Variants in ICA1 observed in about 807,000 individuals in gnomAD.
The protein encoded by ICA1 is islet cell autoantigen 1.
A neutral mutation model predicts 71.0 loss-of-function variants in ICA1; 40 were observed. The ratio of observed to expected loss-of-function variants is 0.56; its 90% CI spans 0.44 to 0.73. The LOEUF is 0.73. Among genes scored for constraint, ICA1 ranks in the 30% least tolerant of loss-of-function variants. The pLI, the probability that ICA1 is intolerant of heterozygous loss-of-function variation, is 0.00. For synonymous variants in ICA1, 207 were observed against 209.5 expected (o/e 0.99, Z 0.10); for missense variants, 578 against 576.5 (o/e 1.00, Z -0.03).
chr7:8,152,785 T>TCACCTCTTC (rs1313074740), intron 8 of ICA1, among the ~76,000 whole-genome samples: 11 of 81,578 alleles, frequency 1.3e-4, no homozygotes, highest in African/African-American at 4.6e-4. Context: ...ACTATCACCA[T>TCACCTCTTC]CACCATCACC....
chr7:8,140,085 G>A (rs531477670), intron 10 of ICA1, among the ~76,000 whole-genome samples: 2 of 152,290 alleles, frequency 1.3e-5, no homozygotes, highest in South Asian at 2.1e-4. Flanking sequence ...GTCACATATT[G>A]TATGAATATA....
At chr7:8,204,776 C>T (rs1028181766) in intron 6 of ICA1, among the ~76,000 whole-genome samples, 1 of 152,082 alleles carries the variant, frequency 6.6e-6, no homozygotes, top group Non-Finnish European at 1.5e-5. Flanking sequence ...TGGATTAAAT[C>T]GTAAGAAAGT....
chr7:8,175,955 T>C (rs899371292), intron 6 of ICA1, among the ~76,000 whole-genome samples: 1 of 152,196 alleles, frequency 6.6e-6, no homozygotes, highest in Non-Finnish European at 1.5e-5. Flanking sequence ...TTTGGTTCCA[T>C]GGACGGCAAA....
intron 10 of ICA1, among the ~76,000 whole-genome samples, chr7:8,140,895 T>C (rs1795000056): frequency 6.6e-6 from 1 of 152,120 alleles, no homozygotes; most frequent in Non-Finnish European, 1.5e-5. Flanking sequence ...GAGGAGAAGT[T>C]CTAGAATCTC....
At chr7:8,156,094 G>T (rs1801395781) in intron 8 of ICA1, among the ~76,000 whole-genome samples, 1 of 152,184 alleles carries the variant, frequency 6.6e-6, no homozygotes, top group South Asian at 2.1e-4. Flanking sequence ...TGTCCTGTCT[G>T]GAGCCAGGTC....
intron 2 of ICA1, 118 bp downstream of exon 2, chr7:8,235,792 G>A (rs1039731341): frequency 7.5e-6 from 8 of 1,064,010 alleles, no homozygotes; most frequent in Non-Finnish European, 1.2e-5. Context: ...CATTGGTGAG[G>A]GCTAACATGA....
intron 6 of ICA1, among the ~76,000 whole-genome samples, chr7:8,181,318 A>T (rs537378903): frequency 6.6e-6 from 1 of 152,300 alleles, no homozygotes; most frequent in South Asian, 2.1e-4. Context: ...TGAACTATGT[A>T]GTCTGTTCCA....
chr7:8,172,380 G>A (rs1393275691), intron 6 of ICA1, among the ~76,000 whole-genome samples: 1 of 152,008 alleles, frequency 6.6e-6, no homozygotes, highest in African/African-American at 2.4e-5. Context: ...TGTCTGATAT[G>A]AATAAAGCCA....
At chr7:8,218,547 A>G in intron 5 of ICA1, 44 bp from the exon 6 acceptor site, 1 of 1,523,060 alleles carries the variant, frequency 6.6e-7, no homozygotes, top group Non-Finnish European at 9.1e-7. Flanking sequence ...TAAGCCAGTG[A>G]GCAATTTAAA....
rs115210182 is a variant in ICA1, at chr7:8,255,165, C to T, written c.-80+6929G>A. ...TTAATCAACCTCCCTTGGCTTCTAC[C>T]ATCAGGCCTCATTCTTCAAACTCTT... On this transcript the variant is annotated intron_variant, in intron 1 of 13. Coordinates refer to ENST00000402384, the MANE Select transcript of ICA1 (RefSeq NM_001136020.3). 4.5e-3 allele frequency among the ~76,000 whole-genome samples: 692 copies of T among 152,284 alleles called. 6 individuals are homozygous for T. Among genetic ancestry groups the T allele is most frequent in the African/African-American group, 0.016 (659 of 41,538 alleles).
chr7:8,203,838 A>G (rs1029240210), intron 6 of ICA1, among the ~76,000 whole-genome samples: 12 of 152,240 alleles, frequency 7.9e-5, no homozygotes, highest in African/African-American at 2.6e-4. Context: ...CCTTTGCTGG[A>G]TGCTGGCCTT....
chr7:8,207,210 G>C (rs993381911), intron 6 of ICA1, among the ~76,000 whole-genome samples: 3 of 152,214 alleles, frequency 2.0e-5, no homozygotes, highest in Non-Finnish European at 2.9e-5. Flanking sequence ...AGATAGATGG[G>C]TGGTTGGATA....
At chr7:8,261,685 G>C (rs1399688265) in intron 1 of ICA1, among the ~76,000 whole-genome samples, 3 of 150,740 alleles carry the variant, frequency 2.0e-5, no homozygotes, top group Non-Finnish European at 4.4e-5. Context: ...CTGGACGCAA[G>C]TCCCTGCCCA....
At position 8,174,771 on chromosome 7, in the gene ICA1, A is replaced by AAAAAAAAAACAAAAAACC. The variant is rs1554310916; in HGVS notation, c.580-16120_580-16119insGGTTTTTTGTTTTTTTTT. Among the ~76,000 whole-genome samples, 38 of 105,986 alleles carry AAAAAAAAAACAAAAAACC rather than the reference A, an allele frequency of 3.6e-4. 1 individual carries two copies. The highest frequency in any genetic ancestry group is 7.0e-4 in the South Asian group (2 of 2,852). The allele number at this position is 105,986 out of a possible 152,430, so 69.5% of individuals were successfully genotyped here. A position where few individuals can be genotyped will look rare whatever the true frequency, so the allele number is the denominator to read the frequency against. On this transcript the variant is annotated intron_variant, in intron 6 of 13. Transcript: ENST00000402384. ...ACTGTATCTCAAAAAAAAAAAAAAAAAAAAAAAACAGAGAGAGAGACAAAT... is the reference window on the plus strand; with the variant it reads ...ACTGTATCTCAAAAAAAAAAAAAAAAAAAAAAAAACAAAAAACCAAAAAAAACAGAGAGAGAGACAAAT...
At chr7:8,207,286 C>G (rs1004259079) in intron 6 of ICA1, among the ~76,000 whole-genome samples, 1 of 152,194 alleles carries the variant, frequency 6.6e-6, no homozygotes. Flanking sequence ...ATGGTAACAA[C>G]AGAAGCCTGA....
chr7:8,134,719 A>G (rs1193205918), intron 12 of ICA1, among the ~76,000 whole-genome samples: 1 of 152,184 alleles, frequency 6.6e-6, no homozygotes, highest in Non-Finnish European at 1.5e-5. Context: ...ATATTATAAC[A>G]AACTGTACTT....
chr7:8,192,394 T>C (rs372129127), intron 6 of ICA1, among the ~76,000 whole-genome samples: 9 of 152,208 alleles, frequency 5.9e-5, no homozygotes, highest in Admixed American at 2.6e-4. Flanking sequence ...TCTAACAGTA[T>C]AACAAAAGTC....
intron 6 of ICA1, among the ~76,000 whole-genome samples, chr7:8,187,742 T>A (rs1173435972): frequency 1.3e-5 from 2 of 152,244 alleles, no homozygotes; most frequent in Admixed American, 1.3e-4. Context: ...ATAAGCTTTT[T>A]TCTATCTTTA....
At chr7:8,137,524 C>T (rs1793826254) in intron 12 of ICA1, among the ~76,000 whole-genome samples, 1 of 152,262 alleles carries the variant, frequency 6.6e-6, no homozygotes, top group Admixed American at 6.5e-5. Context: ...GTGAAAGACA[C>T]CTTTATTCTA....
Sources: allele counts gnomAD v4.1 joint callset (sites outside exome capture counted in the v4.1 genomes callset), GRCh38; gene constraint gnomAD v4.1.1; transcripts MANE v1.5; gene names NCBI Gene and HGNC (gene_info 2026-07-23, HGNC 2026-07-21).